POLRMT: variants seen among roughly 807,000 people sequenced by gnomAD.
POLRMT encodes DNA-directed RNA polymerase, mitochondrial.
A neutral mutation model predicts 132.2 loss-of-function variants in POLRMT; 114 were observed. The observed-to-expected ratio is 0.86, with a 90% confidence interval of 0.74 to 1.01. POLRMT has a LOEUF of 1.01. POLRMT is among the 50% of genes least tolerant of loss of function. The pLI is 0.00. For synonymous variants in POLRMT, 1,020 were observed against 773.4 expected (o/e 1.32, Z -5.29); for missense variants, 2,003 against 1,729.1 (o/e 1.16, Z -2.81).
rs753175551 is a variant in POLRMT, at chr19:620,070, C to G, written c.2774G>C (p.Cys925Ser). 6.5e-7 allele frequency: 1 copy of G among 1,542,662 alleles called. No individual in the cohort carries two copies. The highest frequency in any genetic ancestry group is 1.2e-5 in the South Asian group (1 of 84,738). ...SHLPVHQDGS[C>S]NGLQHYAALG... ...AGCAGCATAATGCTGCAGGCCGTTG[C>G]AAGAGCCGTCCTGAGGAAGGGGCGG... is the stretch of plus-strand genomic sequence containing the variant. Residue 925 changes from cysteine to serine, a missense_variant, in exon 12 of 21, where the codon TGC (cysteine) becomes TCC (serine). By Grantham distance (112) the Cys-to-Ser change is moderately radical. Coordinates refer to ENST00000588649, the MANE Select transcript of POLRMT (RefSeq NM_005035.4).
At chr19:618,083 G>A (rs1048018079) in intron 17 of POLRMT, 27 of 560,270 alleles carry the variant, frequency 4.8e-5, no homozygotes, top group African/African-American at 1.7e-4. Context: ...CGCCCCCCAC[G>A]CTGCTGTGGG....
intron 3 of POLRMT, among the ~76,000 whole-genome samples, chr19:627,429 G>A (rs1398170484): frequency 2.0e-5 from 3 of 151,794 alleles, no homozygotes; most frequent in Non-Finnish European, 4.4e-5. Flanking sequence ...TGGGATTACA[G>A]GCGTGAGCCA....
chr19:623,007 G>C (rs41557116), intron 6 of POLRMT, 22 bp from the exon 7 acceptor site: 1 of 1,607,484 alleles, frequency 6.2e-7, no homozygotes, highest in Non-Finnish European at 8.5e-7. Flanking sequence ...GAACGGGCCC[G>C]GTGAGCCCCG....
In POLRMT at chr19:618,493, G is replaced by A; in HGVS notation, c.3417C>T (p.Cys1139=). 12 of 1,603,584 alleles carry A rather than the reference G, an allele frequency of 7.5e-6. No individual in the cohort carries two copies. Among genetic ancestry groups the A allele is most frequent in the African/African-American group, 1.3e-5 (1 of 74,862 alleles). ...SSHMMLTALH[C]YRKGLTFVSV... ...CGCCGTCCGGAGACGCCCACCTGTA[G>A]CAGTGCAGGGCGGTGAGCATCATGT... Residue 1139 remains cysteine (C), a synonymous_variant, in exon 17 of 21, where the codon TGC becomes TGT. Transcript: ENST00000588649.
At position 617,576 on chromosome 19, in the gene POLRMT, C is replaced by G; in HGVS notation, c.3575G>C (p.Cys1192Ser). The G allele has an allele frequency of 6.2e-7, 1 of 1,611,858 alleles. No homozygotes were observed. Among genetic ancestry groups the G allele is most frequent in the Non-Finnish European group, 8.5e-7 (1 of 1,179,980 alleles). Residue 1192 changes from cysteine to serine, a missense_variant, in exon 19 of 21, where the codon TGC becomes TCC. Physicochemically the swap from Cys to Ser is moderately radical, Grantham distance 112. Coordinates refer to ENST00000588649, the MANE Select transcript of POLRMT (RefSeq NM_005035.4). Reference protein sequence around the residue: ...DLSRFLVKRFCSEPQKILEAS... With the variant: ...DLSRFLVKRFSSEPQKILEAS... ...GGGTCAGGGAGCGCCTTACTCAGAGCAGAACCGCTTGACCAGGAATCTGGA... is the reference window on the plus strand; with the variant it reads ...GGGTCAGGGAGCGCCTTACTCAGAGGAGAACCGCTTGACCAGGAATCTGGA...
At chr19:624,356 GACT>G (rs1459299622) in intron 5 of POLRMT, among the ~76,000 whole-genome samples, 1 of 151,514 alleles carries the variant, frequency 6.6e-6, no homozygotes, top group African/African-American at 2.4e-5. Flanking sequence ...AGACAACCGT[GACT>G]ACACTAAAAT....
intron 4 of POLRMT, 66 bp downstream of exon 4, chr19:625,058 C>A (rs1044856668): frequency 3.2e-6 from 5 of 1,550,886 alleles, no homozygotes; most frequent in Middle Eastern, 2.0e-4. Context: ...GCCCAGGCAC[C>A]GTCCCAGATC....
chr19:617,534 G>GC lies in POLRMT; in HGVS notation c.3581+35_3581+36insG, dbSNP rs757227292. 10 of 1,609,016 alleles carry GC rather than the reference G, an allele frequency of 6.2e-6. No individual in the cohort carries two copies. In the Admixed American group the frequency reaches 6.7e-5, roughly 11 times the overall value. ...CTGAGGCCAGGTTTTGGGGTGGGGG[G>GC]GGAATCCAGGTAGTTGGGGTCAGGG... On this transcript the variant is annotated intron_variant, in intron 19 of 20. Coordinates refer to ENST00000588649, the MANE Select transcript of POLRMT (RefSeq NM_005035.4).
chr19:617,685 TG>T, intron 18 of POLRMT, 30 bp from the exon 19 acceptor site: 1 of 1,611,506 alleles, frequency 6.2e-7, no homozygotes, highest in Non-Finnish European at 8.5e-7. Context: ...TCCCCAGGGG[TG>T]ATCAGGCAGG....
At chr19:626,926 T>C (rs868558189) in intron 3 of POLRMT, among the ~76,000 whole-genome samples, 4 of 148,132 alleles carry the variant, frequency 2.7e-5, no homozygotes, top group African/African-American at 1.0e-4. Context: ...AAATAACATA[T>C]ATATATAATT....
rs1198891892 is a variant in POLRMT, at chr19:621,927, G to A, written c.1852-81C>T. 1.0e-5 allele frequency: 15 copies of A among 1,495,688 alleles called. No homozygotes were observed. The Admixed American group carries it at 1.9e-4, about 19-fold the overall frequency. 92.7% of individuals were successfully genotyped at this position (1,495,688 alleles called of 1,614,324 possible). On this transcript the variant is annotated intron_variant, in intron 9 of 20. Transcript: ENST00000588649. ...CACCCCTTAAACTTGGGTGAGAGGG[G>A]CCGGCTCCCCGGCCAACAAGAAACC...
Position 617,308 on chromosome 19 carries a change from T to G in POLRMT, c.3659A>C (p.Glu1220Ala), listed in dbSNP as rs905785861. ...AVPKPGAFDLEQVKRSTYFFS is the reference protein window; with the variant it reads ...AVPKPGAFDLAQVKRSTYFFS ...GAAGTAGGTGGAACGCTTCACCTGC[T>G]CCAGGTCGAAGGCCCCTGCGGAGGA... Residue 1220 changes from glutamate (E) to alanine (A), a missense_variant, in exon 21 of 21, where the codon GAG becomes GCG. Coordinates refer to ENST00000588649, the MANE Select transcript of POLRMT (RefSeq NM_005035.4). The G allele has an allele frequency of 6.8e-6, 11 of 1,612,756 alleles. No individual in the cohort carries two copies. In the African/African-American group the frequency reaches 1.5e-4, roughly 22 times the overall value.
rs969072340 is a variant in POLRMT at position 632,958 on chromosome 19, G to T, written c.89-20C>A. ...CGGTCCCTGCGGGAAAGACGAGAGC[G>T]GCTGAGCGGGGCCGGGCGTGTGGGC... is the stretch of plus-strand genomic sequence containing the variant. On this transcript the variant is annotated intron_variant, in intron 1 of 20. Transcript: ENST00000588649. 3.4e-6 allele frequency: 5 copies of T among 1,473,288 alleles called. No homozygotes were observed. Among genetic ancestry groups the T allele is most frequent in the Non-Finnish European group, 4.5e-6 (5 of 1,114,316 alleles). The allele number at this position is 1,473,288 out of a possible 1,614,324, so 91.3% of individuals were successfully genotyped here.
intron 2 of POLRMT, among the ~76,000 whole-genome samples, chr19:631,349 G>A (rs911129725): frequency 1.4e-5 from 2 of 147,526 alleles, no homozygotes; most frequent in Admixed American, 1.3e-4. Context: ...GGGGGGGGGG[G>A]ACCCAGGTGT....
rs1239282025 is a variant in POLRMT, at chr19:632,943, G to A, written c.89-5C>T. ...CGCAGACGCCACCGGCGGTCCCTGC[G>A]GGAAAGACGAGAGCGGCTGAGCGGG... is the stretch of plus-strand genomic sequence containing the variant. On this transcript the variant is annotated splice_region_variant and splice_polypyrimidine_tract_variant and intron_variant, in intron 1 of 20. Coordinates refer to ENST00000588649, the MANE Select transcript of POLRMT (RefSeq NM_005035.4). The A allele has an allele frequency of 2.0e-6, 3 of 1,498,252 alleles. No individual in the cohort carries two copies. Among genetic ancestry groups the A allele is most frequent in the Non-Finnish European group, 2.7e-6 (3 of 1,128,368 alleles). The allele number at this position is 1,498,252 out of a possible 1,614,324, so 92.8% of individuals were successfully genotyped here.
chr19:624,342 A>G (rs1310753390), intron 5 of POLRMT, among the ~76,000 whole-genome samples: 1 of 151,892 alleles, frequency 6.6e-6, no homozygotes, highest in African/African-American at 2.4e-5. Flanking sequence ...AACATTCTAG[A>G]ATTAGACAAC....
chr19:618,035 A>C (rs1032203969), intron 17 of POLRMT, 186 bp from the exon 18 acceptor site: 4 of 526,112 alleles, frequency 7.6e-6, no homozygotes, highest in Non-Finnish European at 1.3e-5. Flanking sequence ...GTACAGGGGG[A>C]GGAAATGTTC....
chr19:622,802 C>A lies in POLRMT; in HGVS notation c.1455+19G>T. 1 of 1,575,382 alleles carries A rather than the reference C, an allele frequency of 6.3e-7. No individual in the cohort carries two copies. The highest frequency in any genetic ancestry group is 8.6e-7 in the Non-Finnish European group (1 of 1,161,862). ...TGCCCGCCCCGCCCGGGGACCCGGC[C>A]GCGCGGAGGAAGACGCACCTGCAGG... On this transcript the variant is annotated intron_variant, in intron 7 of 20. Transcript: ENST00000588649.
At chr19:618,936 A>ACTGGTACT in intron 15 of POLRMT, 61 bp downstream of exon 15, 3 of 1,419,688 alleles carry the variant, frequency 2.1e-6, no homozygotes, top group Middle Eastern at 2.5e-4. Flanking sequence ...GCACTGGTAC[A>ACTGGTACT]CTGGGACGCT....
Sources: gnomAD v4.1 joint callset for allele counts (sites outside exome capture counted in the v4.1 genomes callset) on GRCh38, gnomAD v4.1.1 for gene constraint, MANE v1.5 for transcripts, NCBI Gene and HGNC (gene_info 2026-07-23, HGNC 2026-07-21) for gene names.